Variants in TGFBR2 observed in about 807,000 individuals in gnomAD.
TGFBR2 encodes the protein transforming growth factor beta receptor 2, also known as TGF-beta receptor type-2.
A neutral mutation model predicts 49.0 loss-of-function variants in TGFBR2; 18 were observed. The observed-to-expected ratio is 0.37, with a 90% CI of 0.25 to 0.54. The LOEUF is 0.54. Among genes scored for constraint, TGFBR2 ranks in the 20% least tolerant of loss-of-function variants. The probability of loss-of-function intolerance (pLI) is 0.85; values close to 1 mark genes in which losing one functional copy is unlikely to be tolerated. For missense variants in TGFBR2, 525 were observed against 722.6 expected (o/e 0.73, Z 3.13); for synonymous variants, 282 against 275.9 (o/e 1.02, Z -0.22).
intron 1 of TGFBR2, among the ~76,000 whole-genome samples, chr3:30,619,561 T>C (rs771683153): frequency 5.9e-5 from 9 of 152,158 alleles, no homozygotes; most frequent in Non-Finnish European, 8.8e-5. Context: ...GCCAAACCTC[T>C]TGCCCATCAT....
chr3:30,658,299 T>G (rs908130839), intron 3 of TGFBR2, among the ~76,000 whole-genome samples: 1 of 152,242 alleles, frequency 6.6e-6, no homozygotes, highest in African/African-American at 2.4e-5. Context: ...ATATCACTCT[T>G]GCTTACCAGT....
At chr3:30,640,890 A>G (rs1294126609) in intron 1 of TGFBR2, among the ~76,000 whole-genome samples, 1 of 152,212 alleles carries the variant, frequency 6.6e-6, no homozygotes, top group Non-Finnish European at 1.5e-5. Context: ...CTAGCTATGC[A>G]CATGTATGCA....
At chr3:30,636,544 AT>A (rs1366875002) in intron 1 of TGFBR2, among the ~76,000 whole-genome samples, 2 of 152,122 alleles carry the variant, frequency 1.3e-5, no homozygotes, top group African/African-American at 2.4e-5. Flanking sequence ...TAATGAAAAC[AT>A]TTTTTAAGTA....
intron 1 of TGFBR2, among the ~76,000 whole-genome samples, chr3:30,640,844 G>A (rs150549802): frequency 3.1e-4 from 47 of 152,220 alleles, no homozygotes; most frequent in African/African-American, 1.1e-3. Context: ...TAATTAGGTG[G>A]GTTTTGTATC....
chr3:30,674,014 G>A, intron 4 of TGFBR2, 91 bp from the exon 5 acceptor site: 2 of 1,504,226 alleles, frequency 1.3e-6, no homozygotes, highest in Admixed American at 1.7e-5. Flanking sequence ...AAAATCCTCT[G>A]CACGTGTCAG....
intron 1 of TGFBR2, among the ~76,000 whole-genome samples, chr3:30,631,867 T>C (rs569614306): frequency 6.6e-6 from 1 of 152,186 alleles, no homozygotes; most frequent in African/African-American, 2.4e-5. Context: ...CCCCTCATGG[T>C]CGATTCAGAG....
At chr3:30,641,652 G>A (rs1380922963) in intron 1 of TGFBR2, among the ~76,000 whole-genome samples, 1 of 152,144 alleles carries the variant, frequency 6.6e-6, no homozygotes, top group East Asian at 1.9e-4. Context: ...TACAGTGGGT[G>A]CTCAGCATGT....
intron 1 of TGFBR2, among the ~76,000 whole-genome samples, chr3:30,617,705 A>T (rs1698157089): frequency 6.6e-6 from 1 of 152,142 alleles, no homozygotes; most frequent in African/African-American, 2.4e-5. Flanking sequence ...CCCGAAAATG[A>T]TGGTTTCCTA....
At chr3:30,684,095 A>G (rs1453809691) in intron 5 of TGFBR2, among the ~76,000 whole-genome samples, 1 of 152,070 alleles carries the variant, frequency 6.6e-6, no homozygotes, top group East Asian at 1.9e-4. Context: ...TGGTCATCCT[A>G]CAAGTCCTAA....
rs72850851 is a variant in TGFBR2, at chr3:30,681,312, C to T, written c.1396+7066C>T. ...CATTTTCCTGGATTTCAAGGGAGCA[C>T]AGTCTGGAAAGCAGATATGAAAACT... On this transcript the variant is annotated intron_variant, in intron 5 of 6. Coordinates refer to ENST00000295754, the MANE Select transcript of TGFBR2 (RefSeq NM_003242.6). Among the ~76,000 whole-genome samples, 588 of 152,114 alleles carry T rather than the reference C, an allele frequency of 3.9e-3. 4 individuals are homozygous for T. Among genetic ancestry groups the T allele is most frequent in the African/African-American group, 0.013 (539 of 41,490 alleles).
chr3:30,622,737 A>G (rs528657630), intron 1 of TGFBR2, among the ~76,000 whole-genome samples: 3 of 151,966 alleles, frequency 2.0e-5, no homozygotes, highest in East Asian at 3.9e-4. Context: ...AAAATTAGCT[A>G]GGAGTGGTGG....
intron 2 of TGFBR2, among the ~76,000 whole-genome samples, chr3:30,647,499 A>G (rs1345149432): frequency 6.6e-6 from 1 of 152,186 alleles, no homozygotes; most frequent in Non-Finnish European, 1.5e-5. Context: ...GTGGAAACTG[A>G]AAGGCTCTAC....
chr3:30,675,448 G>A (rs1178143209), intron 5 of TGFBR2, among the ~76,000 whole-genome samples: 4 of 151,060 alleles, frequency 2.6e-5, no homozygotes, highest in Admixed American at 6.6e-5. Flanking sequence ...GTGCAATGGC[G>A]CAATCTCGGC....
rs1324571889 is a variant in TGFBR2, at chr3:30,692,782, C to T, written c.*1183C>T. Reference sequence around the variant, plus strand: ...CATATGTTTTGTTTGGTCAGCACAGCGTTTCAAAAAGTGAAGCCACTTTAT... The same window carrying T: ...CATATGTTTTGTTTGGTCAGCACAGTGTTTCAAAAAGTGAAGCCACTTTAT... On this transcript the variant is annotated 3_prime_UTR_variant, in exon 7 of 7. Coordinates refer to ENST00000295754, the MANE Select transcript of TGFBR2 (RefSeq NM_003242.6). The T allele has an allele frequency of 4.3e-6, 1 of 232,998 alleles. No homozygotes were observed. Among genetic ancestry groups the T allele is most frequent in the East Asian group, 6.0e-5 (1 of 16,684 alleles). 14.4% of individuals were successfully genotyped at this position (232,998 alleles called of 1,614,324 possible).
At chr3:30,674,653 G>T (rs1217529903) in intron 5 of TGFBR2, among the ~76,000 whole-genome samples, 3 of 151,974 alleles carry the variant, frequency 2.0e-5, no homozygotes, top group Non-Finnish European at 2.9e-5. Flanking sequence ...CTGGGAAAAA[G>T]ATTTGATTCA....
chr3:30,651,330 A>T (rs777322079), intron 3 of TGFBR2, among the ~76,000 whole-genome samples: 2 of 152,076 alleles, frequency 1.3e-5, no homozygotes, highest in African/African-American at 2.4e-5. Context: ...CGTCTCTATC[A>T]TTCATTCATA....
At chr3:30,689,104 G>C (rs953673659) in intron 6 of TGFBR2, among the ~76,000 whole-genome samples, 1 of 152,172 alleles carries the variant, frequency 6.6e-6, no homozygotes, top group Non-Finnish European at 1.5e-5. Flanking sequence ...TGGAAGGAAC[G>C]AGAAATCTGT....
intron 1 of TGFBR2, chr3:30,626,846 G>A (rs1362847005): frequency 6.6e-6 from 1 of 152,200 alleles, no homozygotes; most frequent in Non-Finnish European, 1.5e-5. Flanking sequence ...CTGGTAGGGA[G>A]GTAGAAATTT....
intron 1 of TGFBR2, among the ~76,000 whole-genome samples, chr3:30,615,900 G>C (rs976434500): frequency 1.3e-5 from 2 of 151,306 alleles, no homozygotes; most frequent in Non-Finnish European, 3.0e-5. Context: ...CCAGTTTTTT[G>C]TTTTTTGTTG....
Sources: gnomAD v4.1 joint callset for allele counts (sites outside exome capture counted in the v4.1 genomes callset) on GRCh38, gnomAD v4.1.1 for gene constraint, MANE v1.5 for transcripts, NCBI Gene and HGNC (gene_info 2026-07-23, HGNC 2026-07-21) for gene names.